Variants in MAP1A observed in about 807,000 individuals in gnomAD.
MAP1A encodes the protein microtubule associated protein 1A, also known as microtubule-associated protein 1A.
Under a neutral mutation model 185.9 loss-of-function variants are expected in MAP1A, and 42 were observed. The ratio of observed to expected loss-of-function variants is 0.23; its 90% CI spans 0.18 to 0.29. The LOEUF (loss-of-function observed/expected upper bound fraction) is 0.29. Ranked by LOEUF, MAP1A falls within the 10% of genes least tolerant of loss-of-function variation. MAP1A has a pLI of 1.00. For synonymous variants in MAP1A, 1,229 were observed against 1,335.9 expected, an observed-to-expected ratio of 0.92 and a Z score of 1.74; for missense variants, 2,995 against 3,450.4, an observed-to-expected ratio of 0.87 and a Z score of 3.31.
At position 43,528,161 on chromosome 15, in the gene MAP1A, C is replaced by T; in HGVS notation, c.6688C>T (p.Leu2230=). The T allele has an allele frequency of 1.2e-6, 2 of 1,614,174 alleles. No individual in the cohort carries two copies. The highest frequency in any genetic ancestry group is 1.7e-6 in the Non-Finnish European group (2 of 1,180,028). ...CAAGGCCCCCAGCCTGGATTCCTCA[C>T]TGCCCCAGCTCCCATCACCCAGTTC... ...VTKAPSLDSS[L]PQLPSPSSPG... is the part of the protein sequence containing the mutation. The change falls in exon 4 of 6, where the codon CTG becomes TTG. Residue 2230 remains leucine, a synonymous_variant. Transcript: ENST00000300231.
rs767249834 is a variant in MAP1A at position 43,522,358 on chromosome 15, G to A, written c.885G>A (p.Thr295=). ...HLDFLRYPVA[T]QKDLASGAVP... The stretch of plus-strand genomic sequence containing the variant: ...ACTTCCTGCGTTACCCTGTGGCCAC[G>A]CAGAAGGACCTGGCTTCTGGGGCTG... The change falls in exon 4 of 6, where the codon ACG becomes ACA. Residue 295 remains threonine (T), a synonymous_variant. Transcript: ENST00000300231. This position sits in a 1 kb window ranked among gnomAD's most constrained non-coding sequence, Gnocchi z 5.9. 2.9e-5 allele frequency: 46 copies of A among 1,614,034 alleles called. No homozygotes were observed. The highest frequency in any genetic ancestry group is 3.6e-5 in the Non-Finnish European group (43 of 1,180,036).
rs953247417 is a variant in MAP1A at position 43,528,177 on chromosome 15, C to T, written c.6704C>T (p.Ser2235Leu). 1.1e-5 allele frequency: 17 copies of T among 1,614,142 alleles called. No homozygotes were observed. Among genetic ancestry groups the T allele is most frequent in the Non-Finnish European group, 1.4e-5 (17 of 1,180,032 alleles). The part of the protein sequence containing the change: ...SLDSSLPQLP[S>L]PSSPGAPLLS... ...GATTCCTCACTGCCCCAGCTCCCAT[C>T]ACCCAGTTCTCCTGGGGCCCCTCTC... is the stretch of plus-strand genomic sequence containing the variant. Residue 2235 changes from serine to leucine, a missense_variant, in exon 4 of 6, where the codon TCA (serine) becomes TTA (leucine). This residue lies in a region of MAP1A where 2,728 missense variants were observed against 2,986.0 expected (regional missense o/e 0.91). Coordinates refer to ENST00000300231, the MANE Select transcript of MAP1A (RefSeq NM_002373.6).
At chr15:43,518,704 G>GCCCCCCCCCCCCCCCCCCCC (rs1415845642) in intron 1 of MAP1A, among the ~76,000 whole-genome samples, 1 of 104,376 alleles carries the variant, frequency 9.6e-6, no homozygotes, top group Non-Finnish European at 1.7e-5. Context: ...CTGCACCGCA[G>GCCCCCCCCCCCCCCCCCCCC]CCCACCCCCC....
At chr15:43,511,240 C>T (rs1248734860) in intron 1 of MAP1A, 1 of 1,542,944 alleles carries the variant, frequency 6.5e-7, no homozygotes, top group Admixed American at 2.0e-5. Flanking sequence ...AGCCACTGTT[C>T]TGGCTGTGCT....
exon 1 of MAP1A, chr15:43,511,191 G>A (rs1032774992): frequency 1.9e-5 from 29 of 1,550,596 alleles, no homozygotes; most frequent in Non-Finnish European, 2.4e-5. Flanking sequence ...GGTACAGAGA[G>A]TCAGCTGAGG....
In MAP1A at chr15:43,525,798, C is replaced by G; in HGVS notation, c.4325C>G (p.Ala1442Gly). ...KDKDLEEKDK[A>G]LEQKDKIPEE... ...AAAGACTTAGAAGAAAAAGACAAGG[C>G]CCTGGAACAGAAGGATAAGATTCCA... The change falls in exon 4 of 6, where the codon GCC (alanine) becomes GGC (glycine). Residue 1442 changes from alanine (A) to glycine (G), a missense_variant. Transcript: ENST00000300231. 1 of 1,613,842 alleles carries G rather than the reference C, an allele frequency of 6.2e-7. No individual in the cohort carries two copies. Among genetic ancestry groups the G allele is most frequent in the East Asian group, 2.2e-5 (1 of 44,884 alleles).
chr15:43,521,424 C>G lies in MAP1A; in HGVS notation c.-50C>G, dbSNP rs1272285663. 1.2e-6 allele frequency: 2 copies of G among 1,614,110 alleles called. No homozygotes were observed. The highest frequency in any genetic ancestry group is 1.3e-5 in the African/African-American group (1 of 75,036). On this transcript the variant is annotated 5_prime_UTR_variant, in exon 4 of 6. Coordinates refer to ENST00000300231, the MANE Select transcript of MAP1A (RefSeq NM_002373.6). This position sits in a 1 kb window ranked among gnomAD's most constrained non-coding sequence, Gnocchi z 4.6. ...TGGAGCCACCTGGGATTATCCAGTT[C>G]CCAAGAGACCCTGCACCTCCGGCTA...
At position 43,527,859 on chromosome 15, in the gene MAP1A, A is replaced by G. The variant is rs2079352634; in HGVS notation, c.6386A>G (p.His2129Arg). The change falls in exon 4 of 6, where the codon CAC (histidine) becomes CGC (arginine). Residue 2129 changes from histidine to arginine, a missense_variant. Transcript: ENST00000300231. Reference sequence around the variant, plus strand: ...GAGGCCCAATCCCCAAGTCCTCCTCACCCCATTCCTATGGGGTCCCCCACA... The same window carrying G: ...GAGGCCCAATCCCCAAGTCCTCCTCGCCCCATTCCTATGGGGTCCCCCACA... ...EKEAQSPSPPHPIPMGSPTLW... is the reference protein window; with the variant it reads ...EKEAQSPSPPRPIPMGSPTLW... 1.2e-6 allele frequency: 2 copies of G among 1,613,884 alleles called. No individual in the cohort carries two copies. Among genetic ancestry groups the G allele is most frequent in the East Asian group, 4.5e-5 (2 of 44,862 alleles).
rs1291239465 is a variant in MAP1A at position 43,530,564 on chromosome 15, GAGGGAGATTATATCCCCAACTCC to G, written c.*346_*368del. 1 of 239,158 alleles carries G rather than the reference GAGGGAGATTATATCCCCAACTCC, an allele frequency of 4.2e-6. No individual in the cohort carries two copies. Among genetic ancestry groups the G allele is most frequent in the Non-Finnish European group, 8.2e-6 (1 of 122,472 alleles). 14.8% of individuals were successfully genotyped at this position (239,158 alleles called of 1,614,324 possible). On this transcript the variant is annotated 3_prime_UTR_variant, in exon 6 of 6. Coordinates refer to ENST00000300231, the MANE Select transcript of MAP1A (RefSeq NM_002373.6). The stretch of plus-strand genomic sequence containing the variant: ...TCAGAGAGCAACCTCCTCCCTCGTA[GAGGGAGATTATATCCCCAACTCC>G]AGGGACCTCTTTATCTCAATCTATT...
chr15:43,528,325 G>C lies in MAP1A; in HGVS notation c.6852G>C (p.Gln2284His), dbSNP rs1476708768. Residue 2284 changes from glutamine (Q) to histidine (H), a missense_variant, in exon 4 of 6, where the codon CAG becomes CAC. Transcript: ENST00000300231. ...CTCCAAGCCTTGAGGCTGCAGAACA[G>C]GAGTCTGGAGAGCTGGACCCAGGAA... ...RFSPSLEAAE[Q>H]ESGELDPGME... 6.2e-7 allele frequency: 1 copy of C among 1,614,108 alleles called. No homozygotes were observed. Among genetic ancestry groups the C allele is most frequent in the Non-Finnish European group, 8.5e-7 (1 of 1,180,042 alleles).
rs1338343975 is a variant in MAP1A, at chr15:43,521,932, G to A, written c.459G>A (p.Lys153=). The part of the protein sequence containing the change: ...LRLPDASRKA[K]RSIEEACLTL... Reference sequence around the variant, plus strand: ...TTCCTGATGCCTCCCGGAAAGCCAAGCGTAGCATTGAGGAGGCCTGCCTCA... The same window carrying A: ...TTCCTGATGCCTCCCGGAAAGCCAAACGTAGCATTGAGGAGGCCTGCCTCA... The change falls in exon 4 of 6, where the codon AAG becomes AAA. Residue 153 remains lysine (K), a synonymous_variant. Coordinates refer to ENST00000300231, the MANE Select transcript of MAP1A (RefSeq NM_002373.6). This position sits in a 1 kb window ranked among gnomAD's most constrained non-coding sequence, Gnocchi z 4.6. 1 of 1,614,208 alleles carries A rather than the reference G, an allele frequency of 6.2e-7. No homozygotes were observed. Among genetic ancestry groups the A allele is most frequent in the Non-Finnish European group, 8.5e-7 (1 of 1,180,038 alleles).
chr15:43,525,507 A>G lies in MAP1A; in HGVS notation c.4034A>G (p.Lys1345Arg). 2 of 1,614,228 alleles carry G rather than the reference A, an allele frequency of 1.2e-6. No homozygotes were observed. The highest frequency in any genetic ancestry group is 1.7e-6 in the Non-Finnish European group (2 of 1,180,044). Residue 1345 changes from lysine (K) to arginine (R), a missense_variant, in exon 4 of 6, where the codon AAA (lysine) becomes AGA (arginine). Lys to Arg is a conservative substitution (Grantham distance 26, BLOSUM62 2). Coordinates refer to ENST00000300231, the MANE Select transcript of MAP1A (RefSeq NM_002373.6). Reference protein sequence around the residue: ...LEDIAIKWEDKVPGLKDRTSE... With the variant: ...LEDIAIKWEDRVPGLKDRTSE... Reference sequence around the variant, plus strand: ...GACATTGCCATAAAGTGGGAAGATAAAGTTCCAGGGTTGAAAGACAGAACC... The same window carrying G: ...GACATTGCCATAAAGTGGGAAGATAGAGTTCCAGGGTTGAAAGACAGAACC...
Position 43,523,848 on chromosome 15 carries a change from G to A in MAP1A, c.2375G>A (p.Ser792Asn). 1 of 1,614,156 alleles carries A rather than the reference G, an allele frequency of 6.2e-7. No homozygotes were observed. The highest frequency in any genetic ancestry group is 1.3e-5 in the African/African-American group (1 of 75,052). ...TTCGAAGCCAGCCAACCTGCCGATA[G>A]TGCTGTTCCTGCTACCTCTGGCAAA... is the stretch of plus-strand genomic sequence containing the variant. ...GPFEASQPAD[S>N]AVPATSGKVY... is the part of the protein sequence containing the mutation. The change falls in exon 4 of 6, where the codon AGT becomes AAT. Residue 792 changes from serine (S) to asparagine (N), a missense_variant. Transcript: ENST00000300231.
In MAP1A at chr15:43,527,543, AAG is replaced by A. The variant is rs1461173261; in HGVS notation, c.6073_6074del (p.Ser2025ProfsTer4). 1.2e-6 allele frequency: 2 copies of A among 1,614,064 alleles called. No individual in the cohort carries two copies. ...EKELSSPISP[K>X]SLQSDTPTFS... ...GGAGCTTTCATCTCCTATCTCACCC[AAG>A]AGCCTCCAGTCTGACACTCCAACCT... On this transcript the variant is annotated frameshift_variant, in exon 4 of 6. Transcript: ENST00000300231. LOFTEE classifies it high-confidence loss of function.
At position 43,525,774 on chromosome 15, in the gene MAP1A, A is replaced by C. The variant is rs550207339; in HGVS notation, c.4301A>C (p.Lys1434Thr). ...QKDKALEPKDKDLEEKDKALE... is the reference protein window; with the variant it reads ...QKDKALEPKDTDLEEKDKALE... ...GACAAGGCCCTGGAACCAAAAGACA[A>C]AGACTTAGAAGAAAAAGACAAGGCC... The change falls in exon 4 of 6, where the codon AAA (lysine) becomes ACA (threonine). Residue 1434 changes from lysine (K) to threonine (T), a missense_variant. Coordinates refer to ENST00000300231, the MANE Select transcript of MAP1A (RefSeq NM_002373.6). 1.7e-5 allele frequency: 27 copies of C among 1,614,170 alleles called. No individual in the cohort carries two copies. The South Asian group carries it at 2.7e-4, about 16-fold the overall frequency.
In MAP1A at chr15:43,528,282, G is replaced by A. The variant is rs2079355008; in HGVS notation, c.6809G>A (p.Ser2270Asn). ...SSEATTPVIS[S>N]VAERFSPSLE... ...GAGGCTACCACGCCTGTGATTTCAA[G>A]TGTGGCGGAGCGCTTCTCTCCAAGC... The change falls in exon 4 of 6, where the codon AGT (serine) becomes AAT (asparagine). Residue 2270 changes from serine (S) to asparagine (N), a missense_variant. Physicochemically the swap from Ser to Asn is conservative, Grantham distance 46. Coordinates refer to ENST00000300231, the MANE Select transcript of MAP1A (RefSeq NM_002373.6). 2 of 1,613,964 alleles carry A rather than the reference G, an allele frequency of 1.2e-6. No homozygotes were observed. The highest frequency in any genetic ancestry group is 1.7e-6 in the Non-Finnish European group (2 of 1,180,046).
intron 1 of MAP1A, 122 bp from the exon 2 acceptor site, chr15:43,520,519 G>A (rs1350875535): frequency 8.5e-6 from 6 of 702,820 alleles, no homozygotes; most frequent in Non-Finnish European, 1.5e-5. Context: ...ATCCAAGGTG[G>A]CAGGGCCTAA....
upstream of MAP1A, among the ~76,000 whole-genome samples, chr15:43,516,534 A>G (rs1035784583): frequency 1.8e-4 from 27 of 152,152 alleles, no homozygotes; most frequent in African/African-American, 6.3e-4. Flanking sequence ...GGGAAGGACT[A>G]TGTAAGAGCA....
At chr15:43,518,976 A>G (rs181266749) in intron 1 of MAP1A, among the ~76,000 whole-genome samples, 1 of 152,290 alleles carries the variant, frequency 6.6e-6, no homozygotes, top group Admixed American at 6.5e-5. Flanking sequence ...TTGTGGTGAT[A>G]AATGGGGACC....
Sources: allele counts gnomAD v4.1 joint callset (sites outside exome capture counted in the v4.1 genomes callset), GRCh38; gene constraint gnomAD v4.1.1; regional missense constraint gnomAD v4.1.1; non-coding constraint Gnocchi (gnomAD v3.1); transcripts MANE v1.5; gene names NCBI Gene and HGNC (gene_info 2026-07-23, HGNC 2026-07-21).